The following KCNMB2 variants were observed in gnomAD, a reference collection of about 807,000 sequenced individuals.
KCNMB2 encodes the protein potassium calcium-activated channel subfamily M regulatory beta subunit 2.
KCNMB2 carries 9 observed loss-of-function variants against 24.5 expected under a neutral mutation model. That is an observed-to-expected ratio of 0.37 (90% CI 0.22 to 0.64). The LOEUF is 0.64. KCNMB2 is among the 30% of genes least tolerant of loss of function. KCNMB2 has a pLI of 0.63. For missense variants in KCNMB2, 226 were observed against 284.3 expected, an observed-to-expected ratio of 0.79 and a Z score of 1.47; for synonymous variants, 109 against 104.4, an observed-to-expected ratio of 1.04 and a Z score of -0.27.
chr3:178,615,413 G>A (rs1367616493), intron 1 of KCNMB2, among the ~76,000 whole-genome samples: 1 of 152,142 alleles, frequency 6.6e-6, no homozygotes, highest in Non-Finnish European at 1.5e-5. Context: ...CAGGAGTCAG[G>A]GACCAGAGTC....
intron 1 of KCNMB2, among the ~76,000 whole-genome samples, chr3:178,676,914 A>G (rs1279234189): frequency 6.6e-6 from 1 of 152,126 alleles, no homozygotes; most frequent in African/African-American, 2.4e-5. Context: ...TGGAAGGCCT[A>G]ATCCCCGTGT....
intron 1 of KCNMB2, among the ~76,000 whole-genome samples, chr3:178,546,180 A>T (rs1258427972): frequency 6.6e-6 from 1 of 152,248 alleles, no homozygotes; most frequent in Non-Finnish European, 1.5e-5. Flanking sequence ...TATAGAAAAT[A>T]TAACAATAGA....
At chr3:178,733,258 G>A (rs1028625395) in intron 1 of KCNMB2, among the ~76,000 whole-genome samples, 2 of 152,062 alleles carry the variant, frequency 1.3e-5, no homozygotes, top group South Asian at 2.1e-4. Context: ...AAGGTCCTGA[G>A]GCAGGACATC....
chr3:178,613,849 A>C (rs1348504530), intron 1 of KCNMB2, among the ~76,000 whole-genome samples: 1 of 151,968 alleles, frequency 6.6e-6, no homozygotes, highest in East Asian at 1.9e-4. Flanking sequence ...TTGTACGTGG[A>C]TACTGATATC....
intron 1 of KCNMB2, among the ~76,000 whole-genome samples, chr3:178,691,841 A>G (rs1051501519): frequency 2.0e-5 from 3 of 152,148 alleles, no homozygotes; most frequent in African/African-American, 4.8e-5. Context: ...ATCTTCCATA[A>G]TTGTTGAACT....
intron 1 of KCNMB2, among the ~76,000 whole-genome samples, chr3:178,651,423 C>T (rs959408889): frequency 3.0e-4 from 46 of 152,082 alleles, no homozygotes; most frequent in African/African-American, 2.4e-5. Context: ...TAAGAGAGGA[C>T]ACAAACAAAT....
chr3:178,744,046 C>T (rs141671773), intron 1 of KCNMB2, among the ~76,000 whole-genome samples: 56 of 152,218 alleles, frequency 3.7e-4, no homozygotes, highest in Non-Finnish European at 6.0e-4. Flanking sequence ...TTTGCTATAG[C>T]GATAGAAGTT....
Position 178,782,781 on chromosome 3 carries a change from A to G in KCNMB2, c.-67-24562A>G, listed in dbSNP as rs1369986378. On this transcript the variant is annotated intron_variant, in intron 1 of 4. Coordinates refer to ENST00000452583, the MANE Select transcript of KCNMB2 (RefSeq NM_181361.3). The stretch of plus-strand genomic sequence containing the variant: ...ATGGTAGTTTCTTTTGCTGTGCAGA[A>G]GCTCTTTAGTTTAATTAGATCCCAT... 2.7e-5 allele frequency among the ~76,000 whole-genome samples: 4 copies of G among 150,926 alleles called. 1 individual carries two copies. The highest frequency in any genetic ancestry group is 2.0e-4 in the Admixed American group (3 of 15,168).
At chr3:178,716,661 T>C (rs529980737) in intron 1 of KCNMB2, among the ~76,000 whole-genome samples, 1 of 152,282 alleles carries the variant, frequency 6.6e-6, no homozygotes, top group East Asian at 1.9e-4. Context: ...CAGGCTGGTC[T>C]CGAACTCCTG....
intron 1 of KCNMB2, among the ~76,000 whole-genome samples, chr3:178,764,511 T>G (rs1318980312): frequency 6.6e-6 from 1 of 152,208 alleles, no homozygotes; most frequent in Non-Finnish European, 1.5e-5. Context: ...CTACACTATA[T>G]AGTCTAAGTG....
intron 1 of KCNMB2, among the ~76,000 whole-genome samples, chr3:178,723,901 T>G (rs1722884724): frequency 6.6e-6 from 1 of 152,226 alleles, no homozygotes; most frequent in Admixed American, 6.5e-5. Context: ...GGTGCCTAGG[T>G]TGAATCTATG....
At chr3:178,668,048 C>T (rs1350220274) in intron 1 of KCNMB2, among the ~76,000 whole-genome samples, 1 of 152,132 alleles carries the variant, frequency 6.6e-6, no homozygotes, top group Non-Finnish European at 1.5e-5. Context: ...GTTAAACTTA[C>T]TTATAAACAT....
chr3:178,614,518 C>T (rs1490166195), intron 1 of KCNMB2, among the ~76,000 whole-genome samples: 3 of 151,408 alleles, frequency 2.0e-5, no homozygotes, highest in African/African-American at 7.3e-5. Context: ...TATTCACTAT[C>T]ATGAGAACAG....
chr3:178,770,678 AG>A (rs1219079610), intron 1 of KCNMB2, among the ~76,000 whole-genome samples: 7 of 152,360 alleles, frequency 4.6e-5, no homozygotes, highest in African/African-American at 1.7e-4. Context: ...AATGGTGCAG[AG>A]GGCTGCCAAG....
chr3:178,641,690 T>A (rs1040590407), intron 1 of KCNMB2, among the ~76,000 whole-genome samples: 4 of 152,142 alleles, frequency 2.6e-5, no homozygotes, highest in African/African-American at 7.2e-5. Context: ...TAGTTAGGAC[T>A]TTTGGTACAA....
In KCNMB2 at chr3:178,536,563, G is replaced by A. The variant is rs1470577756; in HGVS notation, c.-216G>A. ...TGAGCAGGGAGTATTAAAGCTATGAGTTAGAAAGGGTTGTGACATTAATGG... is the reference window on the plus strand; with the variant it reads ...TGAGCAGGGAGTATTAAAGCTATGAATTAGAAAGGGTTGTGACATTAATGG... On this transcript the variant is annotated 5_prime_UTR_variant, in exon 1 of 5. Coordinates refer to ENST00000452583, the MANE Select transcript of KCNMB2 (RefSeq NM_181361.3). 6.6e-6 allele frequency: 1 copy of A among 152,320 alleles called. No individual in the cohort carries two copies. Among genetic ancestry groups the A allele is most frequent in the South Asian group, 2.1e-4 (1 of 4,818 alleles). The allele number at this position is 152,320 out of a possible 1,614,324, so 9.4% of individuals were successfully genotyped here.
intron 1 of KCNMB2, among the ~76,000 whole-genome samples, chr3:178,677,818 G>T (rs1173521432): frequency 6.6e-6 from 1 of 152,156 alleles, no homozygotes; most frequent in East Asian, 1.9e-4. Flanking sequence ...TACTGAACAG[G>T]TTGGTCAAGT....
At chr3:178,799,378 T>C (rs773198443) in intron 1 of KCNMB2, among the ~76,000 whole-genome samples, 4 of 152,088 alleles carry the variant, frequency 2.6e-5, no homozygotes, top group Non-Finnish European at 5.9e-5. Context: ...CATTTCTATA[T>C]GCCAACAGCA....
At chr3:178,561,351 A>G (rs1361894994) in intron 1 of KCNMB2, among the ~76,000 whole-genome samples, 4 of 152,222 alleles carry the variant, frequency 2.6e-5, no homozygotes, top group African/African-American at 9.7e-5. Context: ...ATCAATAAAA[A>G]CAAAACAATG....
Sources: gnomAD v4.1 joint callset for allele counts (sites outside exome capture counted in the v4.1 genomes callset) on GRCh38, gnomAD v4.1.1 for gene constraint, MANE v1.5 for transcripts, NCBI Gene and HGNC (gene_info 2026-07-23, HGNC 2026-07-21) for gene names.